Variants in ASH2L observed in about 807,000 individuals in gnomAD.
The protein encoded by ASH2L is ASH2 like, histone lysine methyltransferase complex subunit.
Under a neutral mutation model 81.1 loss-of-function variants are expected in ASH2L, and 30 were observed. That is an observed-to-expected ratio of 0.37 (90% CI 0.28 to 0.50). The LOEUF is 0.50. Ranked by LOEUF, ASH2L falls within the 20% of genes least tolerant of loss-of-function variation. The probability of loss-of-function intolerance (pLI) is 0.95; values close to 1 mark genes in which losing one functional copy is unlikely to be tolerated. For missense variants in ASH2L, 559 were observed against 792.1 expected, an observed-to-expected ratio of 0.71 and a Z score of 3.53; for synonymous variants, 273 against 279.9, an observed-to-expected ratio of 0.98 and a Z score of 0.24.
rs539322046 is a variant in ASH2L at position 38,128,892 on chromosome 8, A to C, written c.1468A>C (p.Ile490Leu). The C allele has an allele frequency of 5.0e-6, 8 of 1,614,094 alleles. No homozygotes were observed. The African/African-American group carries it at 9.3e-5, about 19-fold the overall frequency. ...YGQGDVLGFY[I>L]NLPEDTETAK... ...ACAGGGAGACGTCCTGGGATTTTATATTAATCTTCCTGAAGACACAGAGAC... is the reference window on the plus strand; with the variant it reads ...ACAGGGAGACGTCCTGGGATTTTATCTTAATCTTCCTGAAGACACAGAGAC... Residue 490 changes from isoleucine to leucine, a missense_variant, in exon 12 of 16, where the codon ATT becomes CTT. Transcript: ENST00000343823.
Position 38,107,044 on chromosome 8 carries a change from G to A in ASH2L, c.279G>A (p.Glu93=), listed in dbSNP as rs759241577. The part of the protein sequence containing the change: ...DTLEGAGDTS[E]VMDTQAGSVD... ...AGGAAGGTGCTGGGGATACATCAGAGGTGATGGATACTCAGGCGGGCTCCG... is the reference window on the plus strand; with the variant it reads ...AGGAAGGTGCTGGGGATACATCAGAAGTGATGGATACTCAGGCGGGCTCCG... Residue 93 remains glutamate, a synonymous_variant, in exon 3 of 16, where the codon GAG becomes GAA. Transcript: ENST00000343823. 5.6e-6 allele frequency: 9 copies of A among 1,614,098 alleles called. No homozygotes were observed. Among genetic ancestry groups the A allele is most frequent in the Non-Finnish European group, 7.6e-6 (9 of 1,179,980 alleles).
At position 38,105,597 on chromosome 8, in the gene ASH2L, C is replaced by T. The variant is rs552154834; in HGVS notation, c.47C>T (p.Pro16Leu). Residue 16 changes from proline to leucine, a missense_variant, in exon 1 of 16, where the codon CCT becomes CTT. By Grantham distance (98) the Pro-to-Leu change is moderately conservative. Coordinates refer to ENST00000343823, the MANE Select transcript of ASH2L (RefSeq NM_004674.5). ...CCTGGCCAGGAAGCGGGTGCCGGGC[C>T]TGGCCCAGGAGCGGTCGCAAATGCA... ...AGPGQEAGAG[P>L]GPGAVANATG... is the part of the protein sequence containing the mutation. 3 of 1,598,548 alleles carry T rather than the reference C, an allele frequency of 1.9e-6. No homozygotes were observed. The African/African-American group carries it at 4.0e-5, about 22-fold the overall frequency.
chr8:38,107,271 C>T, intron 3 of ASH2L, 105 bp downstream of exon 3: 16 of 1,393,988 alleles, frequency 1.1e-5, no homozygotes, highest in African/African-American at 1.4e-5. Context: ...TTTCCTATGT[C>T]TCCTAACCCC....
chr8:38,137,416 A>T (rs1348905097), intron 14 of ASH2L: 1 of 151,890 alleles, frequency 6.6e-6, no homozygotes, highest in East Asian at 1.9e-4. Context: ...GAAAAAAAAA[A>T]GCTGGGCCTG....
chr8:38,109,897 C>A (rs1810613365), intron 3 of ASH2L, among the ~76,000 whole-genome samples: 1 of 152,112 alleles, frequency 6.6e-6, no homozygotes, highest in Non-Finnish European at 1.5e-5. Context: ...TAACGAGATA[C>A]CAGTGAGAAC....
At chr8:38,118,765 A>G (rs1329658971) in intron 8 of ASH2L, among the ~76,000 whole-genome samples, 2 of 152,202 alleles carry the variant, frequency 1.3e-5, no homozygotes, top group African/African-American at 2.4e-5. Context: ...TTCAGGTTCA[A>G]TGCTTTAGCA....
At chr8:38,125,935 G>A (rs559690388) in intron 10 of ASH2L, among the ~76,000 whole-genome samples, 23 of 152,278 alleles carry the variant, frequency 1.5e-4, no homozygotes, top group African/African-American at 5.3e-4. Context: ...CGGGCATGGT[G>A]GCTCACACCT....
rs1432696190 is a variant in ASH2L at position 38,119,325 on chromosome 8, G to A, written c.909G>A (p.Gln303=). Reference sequence around the variant, plus strand: ...GACGAGGAGCCAAGCGCAAACAGCAGGATGGAGGGACCACAGGGACCACCA... The same window carrying A: ...GACGAGGAGCCAAGCGCAAACAGCAAGATGGAGGGACCACAGGGACCACCA... ...GKGRGAKRKQ[Q]DGGTTGTTKK... Residue 303 remains glutamine, a synonymous_variant, in exon 9 of 16, where the codon CAG becomes CAA. Coordinates refer to ENST00000343823, the MANE Select transcript of ASH2L (RefSeq NM_004674.5). 2 of 1,550,468 alleles carry A rather than the reference G, an allele frequency of 1.3e-6. No homozygotes were observed. The highest frequency in any genetic ancestry group is 2.4e-5 in the South Asian group (2 of 83,836).
At chr8:38,127,742 CAAAAA>C (rs780876575) in intron 10 of ASH2L, among the ~76,000 whole-genome samples, 3 of 67,968 alleles carry the variant, frequency 4.4e-5, no homozygotes, top group Non-Finnish European at 3.0e-5. Context: ...GACTCTGTCT[CAAAAA>C]AAAAAAAAAA....
At chr8:38,120,742 A>G (rs1014636910) in intron 9 of ASH2L, among the ~76,000 whole-genome samples, 190 bp from the exon 10 acceptor site, 16 of 151,512 alleles carry the variant, frequency 1.1e-4, no homozygotes, top group African/African-American at 3.9e-4. Flanking sequence ...CTTGCTCAAT[A>G]AAGCTAATCC....
Position 38,106,874 on chromosome 8 carries a change from T to C in ASH2L, c.256-147T>C, listed in dbSNP as rs1810457113. On this transcript the variant is annotated intron_variant, in intron 2 of 15. Transcript: ENST00000343823. ...GGCCAGGCACGGTGGCTCATGCCTG[T>C]AATCCCAGCACTTTGGGAGGCTGAG... The C allele has an allele frequency of 4.7e-6, 4 of 856,970 alleles. No individual in the cohort carries two copies. In the South Asian group the frequency reaches 7.3e-5, roughly 16 times the overall value. The allele number at this position is 856,970 out of a possible 1,614,324, so 53.1% of individuals were successfully genotyped here.
chr8:38,115,121 G>T, intron 7 of ASH2L, 121 bp downstream of exon 7: 1 of 651,800 alleles, frequency 1.5e-6, no homozygotes, highest in Non-Finnish European at 2.8e-6. Flanking sequence ...CACATAGCAT[G>T]GTGGACTCCA....
chr8:38,132,754 A>G (rs1802108133), intron 12 of ASH2L, among the ~76,000 whole-genome samples: 1 of 151,458 alleles, frequency 6.6e-6, no homozygotes, highest in African/African-American at 2.4e-5. Context: ...AGCCAAGATC[A>G]CACCACTGCA....
At chr8:38,107,237 T>C (rs762675889) in intron 3 of ASH2L, 71 bp downstream of exon 3, 1 of 1,587,554 alleles carries the variant, frequency 6.3e-7, no homozygotes, top group Non-Finnish European at 8.6e-7. Context: ...ACAGTTACTT[T>C]GTGGGCAAAA....
At chr8:38,133,961 A>G (rs866631981) in intron 13 of ASH2L, among the ~76,000 whole-genome samples, 2 of 152,278 alleles carry the variant, frequency 1.3e-5, no homozygotes, top group Non-Finnish European at 1.5e-5. Flanking sequence ...GGGAGACTTC[A>G]TTTTGTTCTG....
At chr8:38,121,336 TA>T (rs373031161) in intron 10 of ASH2L, among the ~76,000 whole-genome samples, 187 bp downstream of exon 10, 96,088 of 110,560 alleles carry the variant, frequency 0.87, 41,991 homozygotes, top group South Asian at 0.9. Context: ...GTTTTATTTA[TA>T]TATATATATA....
chr8:38,122,192 C>T (rs904962379), intron 10 of ASH2L, among the ~76,000 whole-genome samples: 1 of 152,002 alleles, frequency 6.6e-6, no homozygotes, highest in Admixed American at 6.6e-5. Flanking sequence ...GGAGCTTCTT[C>T]AAGAAGTTGG....
chr8:38,130,890 G>A (rs1258190118), intron 12 of ASH2L, among the ~76,000 whole-genome samples: 2 of 152,144 alleles, frequency 1.3e-5, no homozygotes, highest in African/African-American at 4.8e-5. Flanking sequence ...AGATTTTTAT[G>A]TATAGTATGG....
At chr8:38,119,389 C>T in intron 9 of ASH2L, 26 bp downstream of exon 9, 2 of 1,486,828 alleles carry the variant, frequency 1.3e-6, no homozygotes, top group South Asian at 1.3e-5. Flanking sequence ...ACCCTGCCCC[C>T]CTCACTATTT....
Sources: allele counts gnomAD v4.1 joint callset (sites outside exome capture counted in the v4.1 genomes callset), GRCh38; gene constraint gnomAD v4.1.1; transcripts MANE v1.5; gene names NCBI Gene and HGNC (gene_info 2026-07-23, HGNC 2026-07-21).